SIPA1L1: variants seen among roughly 807,000 people sequenced by gnomAD.
SIPA1L1 encodes the protein signal-induced proliferation-associated 1-like protein 1.
SIPA1L1 carries 26 observed loss-of-function variants against 162.7 expected under a neutral mutation model. The observed-to-expected ratio is 0.16, with a 90% confidence interval of 0.12 to 0.22. SIPA1L1 has a LOEUF of 0.22. Among genes scored for constraint, SIPA1L1 ranks in the 10% least tolerant of loss-of-function variants. SIPA1L1 has a pLI of 1.00. For missense variants in SIPA1L1, 1,874 were observed against 2,241.0 expected, an observed-to-expected ratio of 0.84 and a Z score of 3.31; for synonymous variants, 829 against 837.4, an observed-to-expected ratio of 0.99 and a Z score of 0.17.
chr14:71,500,998 C>T (rs954425808), intron 2 of SIPA1L1, among the ~76,000 whole-genome samples: 1 of 151,942 alleles, frequency 6.6e-6, no homozygotes, highest in Non-Finnish European at 1.5e-5. Flanking sequence ...AAGAGCGAAA[C>T]TCCGCCTCCA....
At chr14:71,383,904 C>A (rs1262513973) in intron 2 of SIPA1L1, among the ~76,000 whole-genome samples, 1 of 152,152 alleles carries the variant, frequency 6.6e-6, no homozygotes. Context: ...ACCATATCAC[C>A]CACTTTTCCT....
At chr14:71,324,916 T>C (rs1009044828) in intron 2 of SIPA1L1, among the ~76,000 whole-genome samples, 4 of 152,142 alleles carry the variant, frequency 2.6e-5, no homozygotes, top group African/African-American at 9.7e-5. Flanking sequence ...CAGGAACGTG[T>C]AGGAGCTTCC....
intron 7 of SIPA1L1, among the ~76,000 whole-genome samples, chr14:71,632,730 T>C (rs546411010): frequency 6.6e-6 from 1 of 152,254 alleles, no homozygotes; most frequent in South Asian, 2.1e-4. Context: ...CAGGGCAGTA[T>C]CAGGAGAGAC....
chr14:71,467,197 A>G (rs191075072), intron 2 of SIPA1L1: 3 of 152,286 alleles, frequency 2.0e-5, no homozygotes, highest in Admixed American at 2.0e-4. Flanking sequence ...GGATATTTAC[A>G]AATGCACCGT....
At chr14:71,372,828 A>T (rs1410446320) in intron 2 of SIPA1L1, among the ~76,000 whole-genome samples, 2 of 152,190 alleles carry the variant, frequency 1.3e-5, no homozygotes, top group African/African-American at 4.8e-5. Flanking sequence ...TACCTGGGTC[A>T]CATAAATCTT....
intron 2 of SIPA1L1, among the ~76,000 whole-genome samples, chr14:71,358,009 G>A (rs2037439887): frequency 6.6e-6 from 1 of 152,130 alleles, no homozygotes; most frequent in Admixed American, 6.6e-5. Flanking sequence ...TGGGCCATAA[G>A]CCAGTGTGCC....
At chr14:71,494,376 C>A (rs1054863143) in intron 2 of SIPA1L1, among the ~76,000 whole-genome samples, 1 of 151,730 alleles carries the variant, frequency 6.6e-6, no homozygotes, top group African/African-American at 2.4e-5. Context: ...TTGATATAAT[C>A]GTGTGGCTTT....
chr14:71,460,637 C>CT (rs2046532923), intron 2 of SIPA1L1, among the ~76,000 whole-genome samples: 1 of 152,156 alleles, frequency 6.6e-6, no homozygotes, highest in African/African-American at 2.4e-5. Context: ...GTTCCTCCCT[C>CT]TGGCACTAAG....
At chr14:71,631,270 T>C (rs1263048863) in intron 7 of SIPA1L1, among the ~76,000 whole-genome samples, 2 of 152,202 alleles carry the variant, frequency 1.3e-5, no homozygotes, top group African/African-American at 4.8e-5. Flanking sequence ...TAACAGGCTG[T>C]AGACACTTGC....
intron 4 of SIPA1L1, among the ~76,000 whole-genome samples, chr14:71,541,695 T>C (rs925804214): frequency 6.6e-6 from 1 of 152,014 alleles, no homozygotes; most frequent in African/African-American, 2.4e-5. Context: ...ATTACTTGAG[T>C]CTAGAAGGTC....
chr14:71,581,034 TTTTA>T (rs1433069542), intron 4 of SIPA1L1, among the ~76,000 whole-genome samples: 1 of 152,242 alleles, frequency 6.6e-6, no homozygotes, highest in Non-Finnish European at 1.5e-5. Flanking sequence ...ATTTTCAGTT[TTTTA>T]TCCTGTATTC....
At chr14:71,435,266 G>C (rs563278555) in intron 2 of SIPA1L1, among the ~76,000 whole-genome samples, 20 of 152,026 alleles carry the variant, frequency 1.3e-4, no homozygotes, top group Middle Eastern at 3.4e-3. Context: ...ATGTTGGTGT[G>C]CTGCACCCAT....
intron 13 of SIPA1L1, among the ~76,000 whole-genome samples, chr14:71,690,236 T>C (rs1321860144): frequency 6.6e-6 from 1 of 151,882 alleles, no homozygotes; most frequent in East Asian, 1.9e-4. Context: ...TTGACTTCCA[T>C]ATTTCTTTTC....
chr14:71,569,434 G>A (rs2031488806), intron 4 of SIPA1L1, among the ~76,000 whole-genome samples: 1 of 152,180 alleles, frequency 6.6e-6, no homozygotes, highest in African/African-American at 2.4e-5. Flanking sequence ...AGAGGCTCTG[G>A]AAATAGGAAT....
At position 71,672,610 on chromosome 14, in the gene SIPA1L1, G is replaced by A. The variant is rs2044643641; in HGVS notation, c.3092G>A (p.Cys1031Tyr). The change falls in exon 12 of 24, where the codon TGC (cysteine) becomes TAC (tyrosine). Residue 1031 changes from cysteine (C) to tyrosine (Y), a missense_variant. By Grantham distance (194) the Cys-to-Tyr change is radical. Coordinates refer to ENST00000381232, the MANE Select transcript of SIPA1L1 (RefSeq NM_001386936.1). ...KVVIIPPHDD[C>Y]TPRRSCSETY... ...GTCATCATTCCCCCGCATGATGACT[G>A]CACCCCGCGGAGGTAGGTCTGAGGA... The A allele has an allele frequency of 1.2e-6, 2 of 1,613,558 alleles. No homozygotes were observed. Among genetic ancestry groups the A allele is most frequent in the South Asian group, 1.1e-5 (1 of 91,064 alleles).
At chr14:71,393,684 G>A (rs1209522335) in intron 2 of SIPA1L1, among the ~76,000 whole-genome samples, 2 of 152,140 alleles carry the variant, frequency 1.3e-5, no homozygotes, top group African/African-American at 2.4e-5. Flanking sequence ...AGCTGGGATT[G>A]GTGGCATGTA....
At chr14:71,564,081 G>A (rs78238821) in intron 4 of SIPA1L1, among the ~76,000 whole-genome samples, 2,893 of 152,060 alleles carry the variant, frequency 0.019, 91 homozygotes, top group African/African-American at 0.066. Context: ...CAAGTAGTAG[G>A]GACTACAGGC....
At chr14:71,399,609 A>G (rs777963918) in intron 2 of SIPA1L1, among the ~76,000 whole-genome samples, 1 of 152,060 alleles carries the variant, frequency 6.6e-6, no homozygotes, top group Non-Finnish European at 1.5e-5. Flanking sequence ...GGGCCTTGCT[A>G]TGTTGCCTAG....
At chr14:71,682,206 T>C (rs2045873207) in intron 12 of SIPA1L1, among the ~76,000 whole-genome samples, 1 of 152,228 alleles carries the variant, frequency 6.6e-6, no homozygotes, top group South Asian at 2.1e-4. Context: ...ATAGAGTTGC[T>C]GTAAAGTGGC....
Sources: allele counts gnomAD v4.1 joint callset (sites outside exome capture counted in the v4.1 genomes callset), GRCh38; gene constraint gnomAD v4.1.1; transcripts MANE v1.5; gene names NCBI Gene and HGNC (gene_info 2026-07-23, HGNC 2026-07-21).